SLC24A3: variants seen among roughly 807,000 people sequenced by gnomAD.
SLC24A3 encodes sodium/potassium/calcium exchanger 3.
A neutral mutation model predicts 75.8 loss-of-function variants in SLC24A3; 28 were observed. The ratio of observed to expected loss-of-function variants is 0.37; its 90% CI spans 0.27 to 0.51. SLC24A3 has a LOEUF of 0.51. SLC24A3 is among the 20% of genes least tolerant of loss of function. The pLI is 0.94. For missense variants in SLC24A3, 663 were observed against 847.8 expected, an observed-to-expected ratio of 0.78 and a Z score of 2.71; for synonymous variants, 372 against 334.1, an observed-to-expected ratio of 1.11 and a Z score of -1.24.
intron 6 of SLC24A3, among the ~76,000 whole-genome samples, chr20:19,598,231 G>T (rs183096017): frequency 1.3e-5 from 2 of 152,130 alleles, no homozygotes; most frequent in African/African-American, 4.8e-5. Context: ...TGCTGCAGCT[G>T]CTCTTTCCTG....
At chr20:19,374,515 C>T (rs1262084280) in intron 2 of SLC24A3, among the ~76,000 whole-genome samples, 2 of 152,176 alleles carry the variant, frequency 1.3e-5, no homozygotes, top group Admixed American at 6.5e-5. Flanking sequence ...TTCTATCTCT[C>T]CTGGAGTTCT....
intron 2 of SLC24A3, among the ~76,000 whole-genome samples, chr20:19,473,687 T>A (rs1254470802): frequency 1.3e-5 from 2 of 152,232 alleles, no homozygotes; most frequent in Non-Finnish European, 2.9e-5. Context: ...GTGTGGTCTG[T>A]GTAGTTCATA....
chr20:19,531,268 A>G lies in SLC24A3; in HGVS notation c.348+15704A>G, dbSNP rs117243778. ...TGAGTGCATCAGAAGTTTTTCTAGA[A>G]GTTCCAACAAATAAAACAAAGCAAA... is the stretch of plus-strand genomic sequence containing the variant. On this transcript the variant is annotated intron_variant, in intron 3 of 16. Transcript: ENST00000328041. Among the ~76,000 whole-genome samples, 1,320 of 152,370 alleles carry G rather than the reference A, an allele frequency of 8.7e-3. 13 individuals are homozygous for G. The highest frequency in any genetic ancestry group is 0.013 in the Non-Finnish European group (916 of 68,036).
chr20:19,533,545 G>C (rs2030342461), intron 3 of SLC24A3, among the ~76,000 whole-genome samples: 1 of 151,626 alleles, frequency 6.6e-6, no homozygotes. Flanking sequence ...AGGGGTCAAG[G>C]AAGGGTATCC....
intron 1 of SLC24A3, among the ~76,000 whole-genome samples, chr20:19,263,263 G>C (rs1343663248): frequency 6.6e-6 from 1 of 152,126 alleles, no homozygotes; most frequent in African/African-American, 2.4e-5. Flanking sequence ...GTGGGCTGGA[G>C]AGAAGGAAGC....
chr20:19,612,689 AC>A (rs572652390), intron 6 of SLC24A3, among the ~76,000 whole-genome samples: 44 of 150,152 alleles, frequency 2.9e-4, no homozygotes, highest in South Asian at 4.3e-4. Context: ...CACTGTGATC[AC>A]CCCCCCTCTG....
chr20:19,693,604 C>T, intron 13 of SLC24A3, 179 bp downstream of exon 13: 2 of 710,104 alleles, frequency 2.8e-6, no homozygotes, highest in East Asian at 2.8e-5. Context: ...CCTGCTCACA[C>T]GTCTTCATGT....
At chr20:19,358,271 C>G (rs543286772) in intron 2 of SLC24A3, among the ~76,000 whole-genome samples, 1 of 152,174 alleles carries the variant, frequency 6.6e-6, no homozygotes, top group Non-Finnish European at 1.5e-5. Flanking sequence ...GGGACAGCTG[C>G]GGAGGGCAGG....
chr20:19,649,137 T>TG (rs981386934), intron 6 of SLC24A3, among the ~76,000 whole-genome samples: 1 of 152,200 alleles, frequency 6.6e-6, no homozygotes, highest in Admixed American at 6.5e-5. Flanking sequence ...TACTGTGGCT[T>TG]GGGGGACACC....
At chr20:19,271,526 A>G (rs1983329395) in intron 1 of SLC24A3, among the ~76,000 whole-genome samples, 1 of 152,236 alleles carries the variant, frequency 6.6e-6, no homozygotes, top group Non-Finnish European at 1.5e-5. Context: ...TATGAAAAAG[A>G]CACTTGCACA....
intron 2 of SLC24A3, among the ~76,000 whole-genome samples, chr20:19,382,355 G>C (rs1402071131): frequency 1.3e-5 from 2 of 152,132 alleles, no homozygotes; most frequent in African/African-American, 4.8e-5. Context: ...CTGAGTAATT[G>C]AAGCTGTATC....
At chr20:19,258,409 A>G (rs1600396893) in intron 1 of SLC24A3, among the ~76,000 whole-genome samples, 1 of 152,352 alleles carries the variant, frequency 6.6e-6, no homozygotes, top group Admixed American at 6.5e-5. Context: ...AGGAATAGTA[A>G]TAAACTATAA....
intron 1 of SLC24A3, among the ~76,000 whole-genome samples, chr20:19,240,072 T>C (rs1982285485): frequency 6.6e-6 from 1 of 152,194 alleles, no homozygotes; most frequent in Admixed American, 6.5e-5. Context: ...GTTAGTTTCT[T>C]CCAAATGGCC....
At chr20:19,522,858 T>C (rs1449590898) in intron 3 of SLC24A3, among the ~76,000 whole-genome samples, 2 of 152,100 alleles carry the variant, frequency 1.3e-5, no homozygotes, top group Non-Finnish European at 2.9e-5. Flanking sequence ...TGTAATTACA[T>C]TGTAGAATAA....
At chr20:19,560,597 A>G (rs533951843) in intron 3 of SLC24A3, among the ~76,000 whole-genome samples, 14 of 152,322 alleles carry the variant, frequency 9.2e-5, no homozygotes, top group Admixed American at 5.9e-4. Flanking sequence ...GATCACTGCT[A>G]TTCCACAACA....
intron 6 of SLC24A3, among the ~76,000 whole-genome samples, chr20:19,623,777 T>G (rs1457220594): frequency 2.0e-5 from 3 of 152,138 alleles, no homozygotes; most frequent in Non-Finnish European, 4.4e-5. Context: ...GGGTGGAGAA[T>G]GGGCCTGCCA....
At chr20:19,540,165 T>C (rs1041895410) in intron 3 of SLC24A3, among the ~76,000 whole-genome samples, 3 of 152,174 alleles carry the variant, frequency 2.0e-5, no homozygotes, top group African/African-American at 7.2e-5. Context: ...GTACTCAGCA[T>C]ACCAAGGTGC....
chr20:19,667,992 T>A (rs2032419871), intron 8 of SLC24A3, among the ~76,000 whole-genome samples: 1 of 152,194 alleles, frequency 6.6e-6, no homozygotes, highest in Non-Finnish European at 1.5e-5. Flanking sequence ...CATGGATACA[T>A]GAGTTGCAAA....
At chr20:19,613,302 A>G (rs1438007560) in intron 6 of SLC24A3, among the ~76,000 whole-genome samples, 2 of 152,206 alleles carry the variant, frequency 1.3e-5, no homozygotes, top group African/African-American at 4.8e-5. Context: ...CTCTATCCTC[A>G]GTATCTGAAC....
Sources: allele counts gnomAD v4.1 joint callset (sites outside exome capture counted in the v4.1 genomes callset), GRCh38; gene constraint gnomAD v4.1.1; transcripts MANE v1.5; gene names NCBI Gene and HGNC (gene_info 2026-07-23, HGNC 2026-07-21).